The following TMEM260 variants were observed in gnomAD, a reference collection of about 807,000 sequenced individuals.
TMEM260 encodes transmembrane protein 260.
A neutral mutation model predicts 88.9 loss-of-function variants in TMEM260; 82 were observed. The observed-to-expected ratio is 0.92, with a 90% CI of 0.77 to 1.11. The LOEUF is 1.11. Among genes scored for constraint, TMEM260 ranks in the 50% least tolerant of loss-of-function variants. The pLI is 0.00. For synonymous variants in TMEM260, 314 were observed against 309.3 expected (o/e 1.02, Z -0.16); for missense variants, 902 against 853.4 (o/e 1.06, Z -0.71).
Position 56,580,087 on chromosome 14 carries a change from C to T in TMEM260, c.160+13C>T. 1.6e-6 allele frequency: 2 copies of T among 1,250,184 alleles called. No homozygotes were observed. The highest frequency in any genetic ancestry group is 2.0e-6 in the Non-Finnish European group (2 of 989,378). The allele number at this position is 1,250,184 out of a possible 1,614,324, so 77.4% of individuals were successfully genotyped here. ...GGGGGAGACTCCGGTAAAGTACTCGCAGGGTTGCCCCTTCTGTCCCTCTCC... is the reference window on the plus strand; with the variant it reads ...GGGGGAGACTCCGGTAAAGTACTCGTAGGGTTGCCCCTTCTGTCCCTCTCC... On this transcript the variant is annotated intron_variant, in intron 1 of 15. Transcript: ENST00000261556.
intron 3 of TMEM260, among the ~76,000 whole-genome samples, chr14:56,589,463 A>G (rs1174460469): frequency 1.3e-5 from 2 of 152,182 alleles, no homozygotes; most frequent in Admixed American, 1.3e-4. Context: ...ATACAAAGTT[A>G]CTATTAAATA....
At chr14:56,642,952 G>A (rs1257459188) in intron 15 of TMEM260, among the ~76,000 whole-genome samples, 1 of 152,146 alleles carries the variant, frequency 6.6e-6, no homozygotes, top group Non-Finnish European at 1.5e-5. Context: ...ACGCTCCCAA[G>A]ACTAAACCAG....
At chr14:56,587,645 AAT>A (rs1885591022) in intron 3 of TMEM260, among the ~76,000 whole-genome samples, 1 of 152,084 alleles carries the variant, frequency 6.6e-6, no homozygotes, top group Non-Finnish European at 1.5e-5. Context: ...TAGTTTTAAT[AAT>A]ATAGTATGTG....
intron 4 of TMEM260, 53 bp downstream of exon 4, chr14:56,604,045 A>G (rs1302578918): frequency 6.7e-7 from 1 of 1,490,946 alleles, no homozygotes; most frequent in Non-Finnish European, 8.9e-7. Context: ...TTTTAGACAG[A>G]TGTATTTCTT....
At chr14:56,646,395 T>G (rs1889969574) in intron 15 of TMEM260, among the ~76,000 whole-genome samples, 1 of 152,218 alleles carries the variant, frequency 6.6e-6, no homozygotes, top group South Asian at 2.1e-4. Flanking sequence ...AGGTAACTCC[T>G]GTGAATACAG....
rs1887717760 is a variant in TMEM260, at chr14:56,618,490, C to A, written c.1057-104C>A. ...TTAACAAAACCTGAATGACAACAGG[C>A]ACACACAACTAGGTGCATGCAGCAT... On this transcript the variant is annotated intron_variant, in intron 9 of 15. Transcript: ENST00000261556. The A allele has an allele frequency of 6.9e-6, 7 of 1,017,220 alleles. No individual in the cohort carries two copies. The South Asian group carries it at 8.4e-5, about 12-fold the overall frequency. The allele number at this position is 1,017,220 out of a possible 1,614,324, so 63.0% of individuals were successfully genotyped here. A position where few individuals can be genotyped will look rare whatever the true frequency, so the allele number is the denominator to read the frequency against.
chr14:56,636,650 G>A (rs746677982), intron 15 of TMEM260, 52 bp downstream of exon 15: 7 of 1,494,978 alleles, frequency 4.7e-6, no homozygotes, highest in African/African-American at 1.4e-5. Context: ...GGAAGGTGAT[G>A]GTGATTGTTC....
the TMEM260 span, among the ~76,000 whole-genome samples, chr14:56,657,091 C>T: frequency 6.6e-6 from 1 of 152,056 alleles, no homozygotes; most frequent in African/African-American, 2.4e-5. Flanking sequence ...GCATTCTACC[C>T]CCCAGGGACT....
intron 15 of TMEM260, among the ~76,000 whole-genome samples, chr14:56,642,186 C>A (rs954363339): frequency 6.6e-6 from 1 of 152,156 alleles, no homozygotes; most frequent in Non-Finnish European, 1.5e-5. Flanking sequence ...ACTCTCCACC[C>A]CAAATCAACA....
At chr14:56,594,288 T>C (rs1242712297) in intron 3 of TMEM260, among the ~76,000 whole-genome samples, 1 of 152,178 alleles carries the variant, frequency 6.6e-6, no homozygotes, top group Non-Finnish European at 1.5e-5. Flanking sequence ...CTGTGAGTTC[T>C]GGTGAAAAGA....
chr14:56,642,930 C>G (rs1289549303), intron 15 of TMEM260, among the ~76,000 whole-genome samples: 1 of 152,134 alleles, frequency 6.6e-6, no homozygotes, highest in Non-Finnish European at 1.5e-5. Flanking sequence ...GGATAAATTC[C>G]TGGAGACATA....
Position 56,648,431 on chromosome 14 carries a change from C to A in TMEM260, c.*934C>A, listed in dbSNP as rs780414818. 2.0e-5 allele frequency: 3 copies of A among 152,572 alleles called. No individual in the cohort carries two copies. The highest frequency in any genetic ancestry group is 2.9e-5 in the Non-Finnish European group (2 of 68,016). 9.5% of individuals were successfully genotyped at this position (152,572 alleles called of 1,614,324 possible). ...TTTAATGAATAAAGTCACTCAGAGT[C>A]CTTCAGCACTTCCTAAGTAGAGGCC... On this transcript the variant is annotated 3_prime_UTR_variant, in exon 16 of 16. Transcript: ENST00000261556.
At chr14:56,641,553 GCAAAAACATGC>G (rs1566578271) in intron 15 of TMEM260, among the ~76,000 whole-genome samples, 1 of 152,204 alleles carries the variant, frequency 6.6e-6, no homozygotes, top group Non-Finnish European at 1.5e-5. Context: ...ACCAGCCACT[GCAAAAACATGC>G]CAAATGGTAA....
Position 56,618,989 on chromosome 14 carries a change from G to A in TMEM260, c.1226+226G>A, listed in dbSNP as rs187668182. On this transcript the variant is annotated intron_variant, in intron 10 of 15. Transcript: ENST00000261556. ...TTGCAAACAAGGGTTTAGGTGGTGC[G>A]TGTAGACAATTTGTATCTTTTTCTC... is the stretch of plus-strand genomic sequence containing the variant. Among the ~76,000 whole-genome samples, 212 of 152,268 alleles carry A rather than the reference G, an allele frequency of 1.4e-3. 1 individual carries two copies. Among genetic ancestry groups the A allele is most frequent in the Admixed American group, 5.9e-3 (90 of 15,298 alleles).
intron 15 of TMEM260, among the ~76,000 whole-genome samples, chr14:56,641,292 G>T (rs1460404693): frequency 6.6e-6 from 1 of 152,170 alleles, no homozygotes; most frequent in Non-Finnish European, 1.5e-5. Flanking sequence ...ACAAAGGGAA[G>T]CCCATCAGAC....
Position 56,633,141 on chromosome 14 carries a change from G to A in TMEM260, c.1694G>A (p.Ser565Asn), listed in dbSNP as rs1041316. 1,172,148 of 1,611,182 alleles carry A rather than the reference G, an allele frequency of 0.73. 427,484 individuals are homozygous for A. The highest frequency in any genetic ancestry group is 0.76 in the African/African-American group (57,040 of 74,894). ...NPEEWIKLTK[S>N]IYNWTEEYGR... is the part of the protein sequence containing the mutation. ...GAGGAATGGATTAAACTTACAAAAA[G>A]TATCTATAACTGGACCGAAGAATAT... The change falls in exon 13 of 16, where the codon AGT (serine) becomes AAT (asparagine). Residue 565 changes from serine (S) to asparagine (N), a missense_variant. Ser to Asn is a conservative substitution (Grantham distance 46). Coordinates refer to ENST00000261556, the MANE Select transcript of TMEM260 (RefSeq NM_017799.4).
intron 12 of TMEM260, among the ~76,000 whole-genome samples, chr14:56,631,064 A>G (rs866239497): frequency 6.6e-6 from 1 of 152,318 alleles, no homozygotes; most frequent in South Asian, 2.1e-4. Context: ...ACTGAGGGGA[A>G]TAAGACAGAA....
rs576267555 is a variant in TMEM260, at chr14:56,603,842, C to A, written c.372C>A (p.Ile124=). The change falls in exon 4 of 16, where the codon ATC becomes ATA. Residue 124 remains isoleucine, a synonymous_variant. Transcript: ENST00000261556. ...FRLSGSSAGG[I]LAAGVFSFSR... Reference sequence around the variant, plus strand: ...TTTCTGGCTCATCTGCTGGAGGAATCCTTGCTGCGGGGGTGTTTTCATTTT... The same window carrying A: ...TTTCTGGCTCATCTGCTGGAGGAATACTTGCTGCGGGGGTGTTTTCATTTT... 5.6e-6 allele frequency: 9 copies of A among 1,613,792 alleles called. No individual in the cohort carries two copies. In the East Asian group the frequency reaches 6.7e-5, roughly 12 times the overall value.
downstream of TMEM260, chr14:56,649,613 T>C (rs897205627): frequency 1.3e-5 from 2 of 153,234 alleles, no homozygotes; most frequent in Non-Finnish European, 2.9e-5. Context: ...TATTCATCTC[T>C]GCATCTACAT....
Sources: gnomAD v4.1 joint callset for allele counts (sites outside exome capture counted in the v4.1 genomes callset) on GRCh38, gnomAD v4.1.1 for gene constraint, MANE v1.5 for transcripts, NCBI Gene and HGNC (gene_info 2026-07-23, HGNC 2026-07-21) for gene names.